RBFOX1: variants seen among roughly 807,000 people sequenced by gnomAD.
RBFOX1 encodes the protein RNA binding protein fox-1 homolog 1.
A neutral mutation model predicts 57.7 loss-of-function variants in RBFOX1; 8 were observed. The ratio of observed to expected loss-of-function variants is 0.14; its 90% CI spans 0.08 to 0.25. RBFOX1 has a LOEUF of 0.25. RBFOX1 is among the 10% of genes least tolerant of loss of function. The pLI is 1.00. For missense variants in RBFOX1, 611 were observed against 548.5 expected (o/e 1.11, Z -1.14); for synonymous variants, 326 against 222.4 (o/e 1.47, Z -4.15).
chr16:6,973,104 C>G (rs994451665), intron 3 of RBFOX1, among the ~76,000 whole-genome samples: 2 of 150,186 alleles, frequency 1.3e-5, no homozygotes, highest in East Asian at 2.0e-4. Context: ...GCACTCCAGC[C>G]TGGGTGACGG....
At chr16:7,080,059 T>TA (rs1555455774) in intron 4 of RBFOX1, among the ~76,000 whole-genome samples, 1 of 135,244 alleles carries the variant, frequency 7.4e-6, no homozygotes, top group Non-Finnish European at 1.6e-5. Context: ...TATATACATA[T>TA]TATATATATA....
chr16:7,150,306 C>T (rs1459357589), intron 4 of RBFOX1, among the ~76,000 whole-genome samples: 9 of 152,148 alleles, frequency 5.9e-5, no homozygotes, highest in Admixed American at 4.6e-4. Context: ...TCTTTATGGA[C>T]CTCTTTGTAT....
intron 2 of RBFOX1, among the ~76,000 whole-genome samples, chr16:5,571,543 A>G (rs988180225): frequency 5.9e-5 from 9 of 152,140 alleles, no homozygotes; most frequent in Admixed American, 1.3e-4. Flanking sequence ...TGTACCATCA[A>G]ACAACAAACT....
At chr16:6,100,952 G>C (rs1448592664) in intron 1 of RBFOX1, among the ~76,000 whole-genome samples, 1 of 152,116 alleles carries the variant, frequency 6.6e-6, no homozygotes, top group East Asian at 1.9e-4. Flanking sequence ...GGCACAAAGG[G>C]ATTTTTTTCC....
chr16:5,624,589 C>G (rs762380853), intron 3 of RBFOX1, among the ~76,000 whole-genome samples: 11 of 152,214 alleles, frequency 7.2e-5, no homozygotes, highest in Non-Finnish European at 1.5e-4. Flanking sequence ...GTTCATGTTC[C>G]TCATCCCCCA....
intron 4 of RBFOX1, among the ~76,000 whole-genome samples, chr16:7,448,818 A>G (rs1722048203): frequency 6.6e-6 from 1 of 151,818 alleles, no homozygotes; most frequent in African/African-American, 2.4e-5. Context: ...GGCACCAGCC[A>G]TTGGATTTAG....
chr16:5,638,788 G>A (rs939672399), intron 3 of RBFOX1, among the ~76,000 whole-genome samples: 4 of 152,156 alleles, frequency 2.6e-5, no homozygotes, highest in Non-Finnish European at 5.9e-5. Flanking sequence ...CTGAGGAAGG[G>A]AAAAGAGCAG....
chr16:7,521,840 G>A (rs931296033), intron 5 of RBFOX1, among the ~76,000 whole-genome samples: 3 of 152,172 alleles, frequency 2.0e-5, no homozygotes, highest in Non-Finnish European at 4.4e-5. Flanking sequence ...CCAGGCGGAG[G>A]GTGGACACAG....
At chr16:7,048,070 G>T (rs978316809) in intron 3 of RBFOX1, among the ~76,000 whole-genome samples, 24 of 151,934 alleles carry the variant, frequency 1.6e-4, no homozygotes, top group Admixed American at 1.6e-3. Context: ...GTAGAGAAGG[G>T]GTTTCACCAT....
At chr16:5,432,811 G>A (rs539000001) in intron 1 of RBFOX1, among the ~76,000 whole-genome samples, 3 of 151,428 alleles carry the variant, frequency 2.0e-5, no homozygotes, top group African/African-American at 7.3e-5. Flanking sequence ...TTTAAGACAG[G>A]GTCTTACTCT....
At chr16:5,763,079 A>G (rs2053643661) in intron 3 of RBFOX1, among the ~76,000 whole-genome samples, 2 of 152,140 alleles carry the variant, frequency 1.3e-5, no homozygotes, top group Non-Finnish European at 2.9e-5. Flanking sequence ...ACTTGTTAGG[A>G]TAGGGGTGGG....
At chr16:5,502,409 C>A (rs1164382328) in intron 2 of RBFOX1, among the ~76,000 whole-genome samples, 1 of 152,144 alleles carries the variant, frequency 6.6e-6, no homozygotes, top group East Asian at 1.9e-4. Context: ...ATCATTCTTC[C>A]TCGGCTTGCC....
chr16:7,621,559 C>A lies in RBFOX1; in HGVS notation c.677-9044C>A. Reference sequence around the variant, plus strand: ...TTACAGGCAGGGTCACCACACCTGGCCTAATTGTTTTATTGTTTTGAAAAA... The same window carrying A: ...TTACAGGCAGGGTCACCACACCTGGACTAATTGTTTTATTGTTTTGAAAAA... On this transcript the variant is annotated intron_variant, in intron 10 of 15. Coordinates refer to ENST00000550418, the MANE Select transcript of RBFOX1 (RefSeq NM_018723.4). Among the ~76,000 whole-genome samples, 2 of 152,060 alleles carry A rather than the reference C, an allele frequency of 1.3e-5. 1 individual carries two copies. Among genetic ancestry groups the A allele is most frequent in the Non-Finnish European group, 2.9e-5 (2 of 68,014 alleles).
At chr16:6,454,887 T>G (rs796647012) in intron 2 of RBFOX1, among the ~76,000 whole-genome samples, 96,403 of 121,098 alleles carry the variant, frequency 0.8, 38,262 homozygotes, top group Middle Eastern at 0.87. Flanking sequence ...TTTTTTTTTT[T>G]TTTTTTTTTT....
chr16:6,686,449 G>T (rs1354180960), intron 3 of RBFOX1, among the ~76,000 whole-genome samples: 1 of 152,134 alleles, frequency 6.6e-6, no homozygotes, highest in African/African-American at 2.4e-5. Context: ...TACTCACAAC[G>T]CAGCTTGTTT....
chr16:6,675,504 C>T (rs1034952007), intron 3 of RBFOX1, among the ~76,000 whole-genome samples: 1 of 152,180 alleles, frequency 6.6e-6, no homozygotes. Context: ...GGCTTGCATC[C>T]TGTGTTCATT....
chr16:6,695,190 C>T (rs576759690), intron 3 of RBFOX1, among the ~76,000 whole-genome samples: 76 of 152,068 alleles, frequency 5.0e-4, no homozygotes, highest in African/African-American at 1.6e-3. Context: ...GAGGCCAAGG[C>T]GGTTGGGTCG....
At chr16:6,157,702 C>T (rs1029402836) in intron 1 of RBFOX1, among the ~76,000 whole-genome samples, 1 of 151,962 alleles carries the variant, frequency 6.6e-6, no homozygotes, top group African/African-American at 2.4e-5. Flanking sequence ...AAAATGCATA[C>T]ATAATTATAT....
chr16:6,893,487 C>G (rs952675032), intron 3 of RBFOX1, among the ~76,000 whole-genome samples: 2 of 152,156 alleles, frequency 1.3e-5, no homozygotes, highest in Non-Finnish European at 2.9e-5. Flanking sequence ...AGAGAGGTCC[C>G]TTGTCAGTAT....
Sources: gnomAD v4.1 joint callset for allele counts (sites outside exome capture counted in the v4.1 genomes callset) on GRCh38, gnomAD v4.1.1 for gene constraint, MANE v1.5 for transcripts, NCBI Gene and HGNC (gene_info 2026-07-23, HGNC 2026-07-21) for gene names.